Variants in ERG observed in about 807,000 individuals in gnomAD.
ERG encodes transcriptional regulator ERG.
ERG carries 9 observed loss-of-function variants against 55.3 expected under a neutral mutation model. The observed-to-expected ratio is 0.16, with a 90% confidence interval of 0.10 to 0.28. ERG has a LOEUF of 0.28. Ranked by LOEUF, ERG falls within the 10% of genes least tolerant of loss-of-function variation. The pLI is 1.00. For missense variants in ERG, 434 were observed against 631.6 expected, an observed-to-expected ratio of 0.69 and a Z score of 3.35; for synonymous variants, 223 against 237.3, an observed-to-expected ratio of 0.94 and a Z score of 0.55.
chr21:38,418,007 G>A (rs1989358438), intron 3 of ERG, among the ~76,000 whole-genome samples: 1 of 151,960 alleles, frequency 6.6e-6, no homozygotes, highest in Non-Finnish European at 1.5e-5. Flanking sequence ...AGTAACTACT[G>A]CAATGAGTGA....
chr21:38,490,755 A>G (rs566758372), intron 1 of ERG, among the ~76,000 whole-genome samples: 1 of 152,360 alleles, frequency 6.6e-6, no homozygotes, highest in South Asian at 2.1e-4. Flanking sequence ...GAAGTCCTGC[A>G]GCATCAAACT....
chr21:38,612,663 C>CTTT (rs869196064), intron 1 of ERG, among the ~76,000 whole-genome samples: 2 of 137,968 alleles, frequency 1.4e-5, no homozygotes, highest in Non-Finnish European at 3.2e-5. Context: ...TTGACATTTC[C>CTTT]TTTTTTTTTT....
intron 2 of ERG, among the ~76,000 whole-genome samples, chr21:38,437,405 A>C (rs763576236): frequency 7.2e-5 from 11 of 152,210 alleles, no homozygotes; most frequent in Non-Finnish European, 1.0e-4. Context: ...ACCAGACACC[A>C]GTAACACCTC....
intron 2 of ERG, among the ~76,000 whole-genome samples, chr21:38,505,460 T>TA (rs2059453413): frequency 6.6e-6 from 1 of 152,180 alleles, no homozygotes; most frequent in African/African-American, 2.4e-5. Context: ...AATTCACTCT[T>TA]ATGAAAATGT....
At position 38,580,115 on chromosome 21, in the gene ERG, C is replaced by T. The variant is rs561427310; in HGVS notation, c.-126-4368G>A. Reference sequence around the variant, plus strand: ...GATTACAGGCGTGAGCCACCACGCCCGGCTAATTTTTTGTATTTTTAGTAG... The same window carrying T: ...GATTACAGGCGTGAGCCACCACGCCTGGCTAATTTTTTGTATTTTTAGTAG... On this transcript the variant is annotated intron_variant, in intron 1 of 8. Transcript: ENST00000398897. 2.6e-4 allele frequency among the ~76,000 whole-genome samples: 39 copies of T among 151,124 alleles called. 1 individual carries two copies. Among genetic ancestry groups the T allele is most frequent in the Admixed American group, 1.2e-3 (18 of 15,198 alleles).
intron 2 of ERG, among the ~76,000 whole-genome samples, chr21:38,566,840 G>T (rs766825774): frequency 6.6e-6 from 1 of 152,198 alleles, no homozygotes; most frequent in Non-Finnish European, 1.5e-5. Flanking sequence ...AGCATCCTGG[G>T]CTCCAACCCA....
At chr21:38,594,069 G>A (rs1208011673) in intron 1 of ERG, among the ~76,000 whole-genome samples, 1 of 152,104 alleles carries the variant, frequency 6.6e-6, no homozygotes, top group Non-Finnish European at 1.5e-5. Flanking sequence ...TTAAGGGTGG[G>A]GAATTTCAAA....
intron 2 of ERG, among the ~76,000 whole-genome samples, chr21:38,507,146 G>C (rs573741670): frequency 6.6e-6 from 1 of 152,266 alleles, no homozygotes; most frequent in South Asian, 2.1e-4. Context: ...AATTGCTAAT[G>C]ATGAGCTGGC....
At chr21:38,574,707 C>T (rs1278039729) in intron 2 of ERG, among the ~76,000 whole-genome samples, 1 of 152,142 alleles carries the variant, frequency 6.6e-6, no homozygotes, top group Non-Finnish European at 1.5e-5. Flanking sequence ...ACTTTGCTTT[C>T]AATTATAAGC....
chr21:38,478,141 C>A (rs954373778), intron 1 of ERG, among the ~76,000 whole-genome samples: 4 of 152,230 alleles, frequency 2.6e-5, no homozygotes, highest in Non-Finnish European at 5.9e-5. Context: ...GGACTCCAGA[C>A]CGGCCCCAAT....
At chr21:38,435,879 T>C (rs1990419714) in intron 2 of ERG, among the ~76,000 whole-genome samples, 1 of 152,164 alleles carries the variant, frequency 6.6e-6, no homozygotes, top group Non-Finnish European at 1.5e-5. Flanking sequence ...CTTTTCTATC[T>C]TGTGCACGTC....
chr21:38,640,184 G>A (rs539747050), intron 1 of ERG, among the ~76,000 whole-genome samples: 53 of 152,222 alleles, frequency 3.5e-4, no homozygotes, highest in Non-Finnish European at 6.3e-4. Context: ...AAAATCAATT[G>A]AAAATCAATG....
In ERG at chr21:38,447,917, T is replaced by TTA. The variant is rs748022145; in HGVS notation, c.19-2298_19-2297dup. On this transcript the variant is annotated intron_variant, in intron 1 of 9. Coordinates refer to ENST00000288319, the MANE Select transcript of ERG (RefSeq NM_182918.4). The stretch of plus-strand genomic sequence containing the variant: ...TATATCAGAAATTGGCGAAAACAGG[T>TTA]TATATATATAAGAAACAGGCTAAAT... 9.9e-5 allele frequency among the ~76,000 whole-genome samples: 15 copies of TTA among 152,076 alleles called. No homozygotes were observed. In the East Asian group the frequency reaches 2.3e-3, roughly 24 times the overall value.
intron 2 of ERG, among the ~76,000 whole-genome samples, chr21:38,533,743 C>A (rs1018623918): frequency 6.6e-6 from 1 of 152,144 alleles, no homozygotes; most frequent in East Asian, 1.9e-4. Flanking sequence ...CATATCATGC[C>A]GCAAAGGGCG....
At chr21:38,408,152 C>T (rs1039553912) in intron 3 of ERG, among the ~76,000 whole-genome samples, 3 of 152,262 alleles carry the variant, frequency 2.0e-5, no homozygotes, top group East Asian at 1.9e-4. Flanking sequence ...CATGGCCACT[C>T]GGTAGAAGAA....
exon 2 of ERG, chr21:38,575,665 G>A: frequency 6.2e-7 from 1 of 1,613,574 alleles, no homozygotes; most frequent in Non-Finnish European, 8.5e-7. Context: ...GACTTACCTT[G>A]ATATGAGCTG....
intron 6 of ERG, among the ~76,000 whole-genome samples, chr21:38,393,123 G>T (rs1327229957): frequency 1.3e-5 from 2 of 152,184 alleles, no homozygotes; most frequent in Non-Finnish European, 2.9e-5. Flanking sequence ...GACTGAAATA[G>T]TATTGCTCCC....
At chr21:38,513,896 G>GAGAGA (rs1271639538) in intron 2 of ERG, among the ~76,000 whole-genome samples, 9 of 152,068 alleles carry the variant, frequency 5.9e-5, no homozygotes, top group African/African-American at 2.2e-4. Flanking sequence ...GGTGATTACA[G>GAGAGA]AGAGAAAAGA....
upstream of ERG, among the ~76,000 whole-genome samples, chr21:38,588,889 C>T (rs1012844395): frequency 3.9e-4 from 48 of 122,746 alleles, no homozygotes; most frequent in Non-Finnish European, 4.8e-4. Context: ...CCATGCCTGG[C>T]TAATTTTTAA....
Sources: gnomAD v4.1 joint callset for allele counts (sites outside exome capture counted in the v4.1 genomes callset) on GRCh38, gnomAD v4.1.1 for gene constraint, MANE v1.5 for transcripts, NCBI Gene and HGNC (gene_info 2026-07-23, HGNC 2026-07-21) for gene names.